The following PCDHGA11 variants were observed in gnomAD, a reference collection of about 807,000 sequenced individuals.
PCDHGA11 encodes protocadherin gamma-A11.
A neutral mutation model predicts 60.4 loss-of-function variants in PCDHGA11; 39 were observed. The observed-to-expected ratio is 0.65, with a 90% CI of 0.50 to 0.84. The LOEUF is 0.84. Ranked by LOEUF, PCDHGA11 falls within the 40% of genes least tolerant of loss-of-function variation. PCDHGA11 has a pLI of 0.00. For synonymous variants in PCDHGA11, 533 were observed against 510.3 expected (o/e 1.04, Z -0.60); for missense variants, 1,165 against 1,197.7 (o/e 0.97, Z 0.40).
chr5:141,450,826 A>ATTTT (rs764729742), intron 1 of PCDHGA11, among the ~76,000 whole-genome samples: 5 of 134,360 alleles, frequency 3.7e-5, no homozygotes, highest in East Asian at 2.1e-4. Flanking sequence ...TATTATTATT[A>ATTTT]TTATTTTTTT....
chr5:141,468,939 G>A (rs2099186103), intron 1 of PCDHGA11, among the ~76,000 whole-genome samples: 1 of 144,350 alleles, frequency 6.9e-6, no homozygotes, highest in Non-Finnish European at 1.5e-5. Context: ...ATGGGAGATG[G>A]GGTAAACCTG....
At chr5:141,474,087 A>C (rs1483673747) in intron 1 of PCDHGA11, among the ~76,000 whole-genome samples, 4 of 152,198 alleles carry the variant, frequency 2.6e-5, no homozygotes, top group South Asian at 2.1e-4. Context: ...AAAACCAAAA[A>C]ACAAACAACA....
At chr5:141,488,031 A>G (rs1475176300) in intron 1 of PCDHGA11, among the ~76,000 whole-genome samples, 1 of 152,122 alleles carries the variant, frequency 6.6e-6, no homozygotes, top group Non-Finnish European at 1.5e-5. Context: ...CTAGGTTACC[A>G]TTTCCCAAGG....
In PCDHGA11 at chr5:141,486,981, A is replaced by G. The variant is rs1457098151; in HGVS notation, c.2434-7826A>G. Reference sequence around the variant, plus strand: ...GCTGTGGACTTGGATTCAGGTTACAATGCTTGGGTTTCCTATCAGCTCCTG... The same window carrying G: ...GCTGTGGACTTGGATTCAGGTTACAGTGCTTGGGTTTCCTATCAGCTCCTG... On this transcript the variant is annotated intron_variant, in intron 1 of 3. Coordinates refer to ENST00000398587, the MANE Select transcript of PCDHGA11 (RefSeq NM_018914.3). The surrounding 1 kb of genome is among the most constrained non-coding windows in gnomAD (Gnocchi z 5.0). 17 of 1,614,038 alleles carry G rather than the reference A, an allele frequency of 1.1e-5. No individual in the cohort carries two copies. The highest frequency in any genetic ancestry group is 4.0e-5 in the African/African-American group (3 of 74,922).
Position 141,437,685 on chromosome 5 carries a change from G to A in PCDHGA11, c.2433+14025G>A, listed in dbSNP as rs116699614. ...GAAGAGATGTTGATCAAACTGATGA[G>A]GCTAAATCTCAAGAAAGAGACACAG... On this transcript the variant is annotated intron_variant, in intron 1 of 3. Coordinates refer to ENST00000398587, the MANE Select transcript of PCDHGA11 (RefSeq NM_018914.3). Among the ~76,000 whole-genome samples the A allele has an allele frequency of 1.0e-2, 1,519 of 151,976 alleles. 34 individuals carry two copies. The highest frequency in any genetic ancestry group is 0.034 in the African/African-American group (1,425 of 41,440).
At chr5:141,427,092 G>T in intron 1 of PCDHGA11, 1 of 458,134 alleles carries the variant, frequency 2.2e-6, no homozygotes, top group Non-Finnish European at 4.4e-6. Flanking sequence ...CCAGGATGAG[G>T]GTGTCAATGC....
chr5:141,426,805 A>G (rs1222690899), intron 1 of PCDHGA11: 2 of 456,720 alleles, frequency 4.4e-6, no homozygotes, highest in African/African-American at 2.0e-5. Flanking sequence ...CTCAGTTCTA[A>G]TGAACATTTC....
At chr5:141,444,873 C>T (rs1298516499) in intron 1 of PCDHGA11, among the ~76,000 whole-genome samples, 1 of 152,080 alleles carries the variant, frequency 6.6e-6, no homozygotes, top group African/African-American at 2.4e-5. Flanking sequence ...CAGGACAAAG[C>T]TTGTAGGATT....
rs556415227 is a variant in PCDHGA11, at chr5:141,476,903, G to A, written c.2434-17904G>A. ...GGAGGATGCACCCTCCGGCACGCGC[G>A]TGGTACAAGTCCTTGCAACGGATCT... On this transcript the variant is annotated intron_variant, in intron 1 of 3. Transcript: ENST00000398587. This position sits in a 1 kb window ranked among gnomAD's most constrained non-coding sequence, Gnocchi z 7.6. The A allele has an allele frequency of 1.4e-5, 22 of 1,614,018 alleles. No homozygotes were observed. In the African/African-American group the frequency reaches 1.7e-4, roughly 13 times the overall value.
chr5:141,454,865 TG>T (rs2098805228), intron 1 of PCDHGA11, among the ~76,000 whole-genome samples: 1 of 135,344 alleles, frequency 7.4e-6, no homozygotes, highest in Non-Finnish European at 1.5e-5. Flanking sequence ...TGGAGTGCAG[TG>T]GCACGATCTT....
At position 141,512,881 on chromosome 5, in the gene PCDHGA11, C is replaced by T. The variant is rs1274589284; in HGVS notation, c.*1708C>T. 1.3e-5 allele frequency: 2 copies of T among 152,268 alleles called. No homozygotes were observed. Among genetic ancestry groups the T allele is most frequent in the African/African-American group, 4.8e-5 (2 of 41,458 alleles). 9.4% of individuals were successfully genotyped at this position (152,268 alleles called of 1,614,324 possible). On this transcript the variant is annotated 3_prime_UTR_variant, in exon 4 of 4. Coordinates refer to ENST00000398587, the MANE Select transcript of PCDHGA11 (RefSeq NM_018914.3). Reference sequence around the variant, plus strand: ...TCGCATAGTCACGTAGCTCCCACCCCACCCTCTTCCTGTGTCTCACGCAAG... The same window carrying T: ...TCGCATAGTCACGTAGCTCCCACCCTACCCTCTTCCTGTGTCTCACGCAAG...
chr5:141,435,254 G>C (rs1220755047), intron 1 of PCDHGA11, among the ~76,000 whole-genome samples: 1 of 152,018 alleles, frequency 6.6e-6, no homozygotes, highest in African/African-American at 2.4e-5. Flanking sequence ...GGCCATTAGG[G>C]ATATGTCCAT....
Position 141,485,428 on chromosome 5 carries a change from C to T in PCDHGA11, c.2434-9379C>T, listed in dbSNP as rs2099613200. Reference sequence around the variant, plus strand: ...TGGATTTGGACAGCGGAGCCCTGCTCATCAAGAACCCAATCGACCGAGAGG... The same window carrying T: ...TGGATTTGGACAGCGGAGCCCTGCTTATCAAGAACCCAATCGACCGAGAGG... On this transcript the variant is annotated intron_variant, in intron 1 of 3. Transcript: ENST00000398587. The surrounding 1 kb of genome is among the most constrained non-coding windows in gnomAD (Gnocchi z 5.7). The T allele has an allele frequency of 2.5e-6, 4 of 1,614,160 alleles. No homozygotes were observed. The highest frequency in any genetic ancestry group is 3.4e-6 in the Non-Finnish European group (4 of 1,180,022).
At chr5:141,497,827 C>T (rs1390986916) in intron 2 of PCDHGA11, among the ~76,000 whole-genome samples, 3 of 152,188 alleles carry the variant, frequency 2.0e-5, no homozygotes, top group East Asian at 3.9e-4. Flanking sequence ...GGTGTGATCG[C>T]CCCCGGCCAC....
intron 1 of PCDHGA11, among the ~76,000 whole-genome samples, chr5:141,474,142 T>G (rs2099344082): frequency 6.6e-6 from 1 of 152,212 alleles, no homozygotes; most frequent in African/African-American, 2.4e-5. Flanking sequence ...ACAGGCCTTA[T>G]TATCAAGAAA....
Position 141,431,682 on chromosome 5 carries a change from A to C in PCDHGA11, c.2433+8022A>C. The C allele has an allele frequency of 1.2e-6, 2 of 1,614,232 alleles. No homozygotes were observed. Among genetic ancestry groups the C allele is most frequent in the Non-Finnish European group, 1.7e-6 (2 of 1,180,042 alleles). ...ACAATATCAACAATAGGGGAGTTGG[A>C]CCACGAGGAGTCAGGATTCTACCAG... On this transcript the variant is annotated intron_variant, in intron 1 of 3. Transcript: ENST00000398587. The surrounding 1 kb of genome is among the most constrained non-coding windows in gnomAD (Gnocchi z 4.8).
intron 1 of PCDHGA11, among the ~76,000 whole-genome samples, chr5:141,436,923 T>C (rs2097854286): frequency 6.6e-6 from 1 of 152,224 alleles, no homozygotes; most frequent in African/African-American, 2.4e-5. Flanking sequence ...GAGTGTTACT[T>C]TTTCTTTGTC....
intron 1 of PCDHGA11, among the ~76,000 whole-genome samples, chr5:141,460,682 T>A (rs957470916): frequency 3.3e-5 from 5 of 152,134 alleles, no homozygotes; most frequent in African/African-American, 1.2e-4. Flanking sequence ...TATATCTATA[T>A]ATCCACCAAC....
intron 1 of PCDHGA11, among the ~76,000 whole-genome samples, chr5:141,457,931 T>G (rs1335457669): frequency 6.6e-6 from 1 of 152,184 alleles, no homozygotes; most frequent in Non-Finnish European, 1.5e-5. Context: ...CCAAGGGGCT[T>G]TTATTGGCTC....
Sources: allele counts gnomAD v4.1 joint callset (sites outside exome capture counted in the v4.1 genomes callset), GRCh38; gene constraint gnomAD v4.1.1; non-coding constraint Gnocchi (gnomAD v3.1); transcripts MANE v1.5; gene names NCBI Gene and HGNC (gene_info 2026-07-23, HGNC 2026-07-21).